Variants in ADARB2 observed in about 807,000 individuals in gnomAD.
ADARB2 encodes adenosine deaminase RNA specific B2 (inactive), also known as inactive double-stranded RNA-specific editase B2.
In ADARB2, 25 loss-of-function variants were observed where a neutral mutation model predicts 62.2. That is an observed-to-expected ratio of 0.40 (90% CI 0.29 to 0.56). The LOEUF (loss-of-function observed/expected upper bound fraction) is 0.56. ADARB2 is among the 20% of genes least tolerant of loss of function. The probability of loss-of-function intolerance (pLI) is 0.43; values close to 1 mark genes in which losing one functional copy is unlikely to be tolerated. For missense variants in ADARB2, 1,071 were observed against 1,077.4 expected (o/e 0.99, Z 0.08); for synonymous variants, 572 against 500.8 (o/e 1.14, Z -1.90).
chr10:1,618,521 T>G (rs1833669519), intron 1 of ADARB2, among the ~76,000 whole-genome samples: 1 of 150,306 alleles, frequency 6.7e-6, no homozygotes, highest in Non-Finnish European at 1.5e-5. Context: ...ATTTTTTTTG[T>G]TCAAGTACAG....
intron 1 of ADARB2, among the ~76,000 whole-genome samples, chr10:1,635,357 C>T (rs771310949): frequency 6.6e-6 from 1 of 152,216 alleles, no homozygotes; most frequent in African/African-American, 2.4e-5. Context: ...GCAGTCCTGG[C>T]AGGTGCACGT....
intron 3 of ADARB2, among the ~76,000 whole-genome samples, chr10:1,339,912 C>T (rs947971897): frequency 3.3e-5 from 5 of 152,272 alleles, no homozygotes; most frequent in Non-Finnish European, 7.4e-5. Flanking sequence ...AGCAGCACTC[C>T]TGCATTCTGG....
chr10:1,603,693 CTT>C (rs11407289), intron 1 of ADARB2, among the ~76,000 whole-genome samples: 10 of 143,528 alleles, frequency 7.0e-5, no homozygotes, highest in South Asian at 2.2e-4. Flanking sequence ...GAGCTGTGAT[CTT>C]TTTTTTTTTT....
At chr10:1,573,619 A>G (rs1309048682) in intron 1 of ADARB2, among the ~76,000 whole-genome samples, 1 of 152,002 alleles carries the variant, frequency 6.6e-6, no homozygotes, top group South Asian at 2.1e-4. Context: ...GCCCAGGCGC[A>G]CTCTGCACCT....
chr10:1,258,195 C>T (rs1831098547), intron 4 of ADARB2, among the ~76,000 whole-genome samples: 1 of 152,098 alleles, frequency 6.6e-6, no homozygotes, highest in African/African-American at 2.4e-5. Flanking sequence ...TTAACCATAG[C>T]ATGGTTAAGG....
At chr10:1,327,688 A>T (rs1267323089) in intron 3 of ADARB2, among the ~76,000 whole-genome samples, 1 of 72,158 alleles carries the variant, frequency 1.4e-5, no homozygotes, top group Non-Finnish European at 3.1e-5. Flanking sequence ...CTCACTGCAC[A>T]GCGCCTCGTC....
At chr10:1,552,669 C>G (rs4242728) in intron 1 of ADARB2, among the ~76,000 whole-genome samples, 135,524 of 146,372 alleles carry the variant, frequency 0.93, 63,248 homozygotes, top group East Asian at 1. Flanking sequence ...AGGTCGGCTT[C>G]AGGGAACAGT....
chr10:1,549,230 A>G lies in ADARB2; in HGVS notation c.101-170070T>C, dbSNP rs142318582. 7.9e-3 allele frequency among the ~76,000 whole-genome samples: 1,188 copies of G among 151,094 alleles called. 17 individuals are homozygous for G. Among genetic ancestry groups the G allele is most frequent in the African/African-American group, 0.028 (1,136 of 40,962 alleles). On this transcript the variant is annotated intron_variant, in intron 1 of 9. Coordinates refer to ENST00000381312, the MANE Select transcript of ADARB2 (RefSeq NM_018702.4). ...GGAGCTGGGGGGGTCCCCTCCTCTC[A>G]TTGAAAGGCGGAGTGGGGTGAGGCA...
intron 1 of ADARB2, among the ~76,000 whole-genome samples, chr10:1,599,234 CA>C: frequency 6.6e-6 from 1 of 152,230 alleles, no homozygotes; most frequent in South Asian, 2.1e-4. Context: ...GGGGTGGAAA[CA>C]AAGATGGAAA....
At chr10:1,261,929 T>C (rs1168751155) in intron 4 of ADARB2, among the ~76,000 whole-genome samples, 1 of 148,518 alleles carries the variant, frequency 6.7e-6, no homozygotes, top group Non-Finnish European at 1.5e-5. Context: ...TAAGAAAATG[T>C]GGCACATATA....
At position 1,450,867 on chromosome 10, in the gene ADARB2, C is replaced by T. The variant is rs182837062; in HGVS notation, c.101-71707G>A. 7.2e-5 allele frequency among the ~76,000 whole-genome samples: 11 copies of T among 152,334 alleles called. No homozygotes were observed. The East Asian group carries it at 2.1e-3, about 29-fold the overall frequency. On this transcript the variant is annotated intron_variant, in intron 1 of 9. Coordinates refer to ENST00000381312, the MANE Select transcript of ADARB2 (RefSeq NM_018702.4). The stretch of plus-strand genomic sequence containing the variant: ...ACCCTCCACGAGCTGAAGGCTGCTG[C>T]TGAGGGGTGGGAAAGTGGTGACTTT...
In ADARB2 at chr10:1,675,844, C is replaced by T. The variant is rs1003807984; in HGVS notation, c.100+61207G>A. On this transcript the variant is annotated intron_variant, in intron 1 of 9. Coordinates refer to ENST00000381312, the MANE Select transcript of ADARB2 (RefSeq NM_018702.4). ...CAGGGAGTGAAGGGAAGCCGTGTCT[C>T]TGATCCCTGCAGGAGGGCAGAGGCC... Among the ~76,000 whole-genome samples, 6 of 152,218 alleles carry T rather than the reference C, an allele frequency of 3.9e-5. 1 individual carries two copies. The highest frequency in any genetic ancestry group is 1.4e-4 in the African/African-American group (6 of 41,526).
At chr10:1,621,030 T>C (rs560110078) in intron 1 of ADARB2, among the ~76,000 whole-genome samples, 2 of 152,320 alleles carry the variant, frequency 1.3e-5, no homozygotes, top group African/African-American at 4.8e-5. Flanking sequence ...CTGAGTGCTT[T>C]CCTGTAGATC....
At chr10:1,205,454 G>A (rs934650494) in intron 7 of ADARB2, among the ~76,000 whole-genome samples, 1 of 149,788 alleles carries the variant, frequency 6.7e-6, no homozygotes, top group South Asian at 2.1e-4. Flanking sequence ...GACAACTCAC[G>A]GGAGCCCGTG....
chr10:1,215,831 C>T (rs776144336), intron 7 of ADARB2: 3 of 152,264 alleles, frequency 2.0e-5, no homozygotes, highest in Non-Finnish European at 4.4e-5. Flanking sequence ...ACAGAAATGT[C>T]CTGCATTGGG....
At chr10:1,414,045 C>T (rs968189555) in intron 1 of ADARB2, among the ~76,000 whole-genome samples, 3 of 152,224 alleles carry the variant, frequency 2.0e-5, no homozygotes, top group Non-Finnish European at 4.4e-5. Flanking sequence ...TCAGGTCCCA[C>T]TCCCTGGAAG....
rs1250623243 is a variant in ADARB2, at chr10:1,216,903, C to A, written c.1682+48G>T. 3 of 1,585,240 alleles carry A rather than the reference C, an allele frequency of 1.9e-6. No homozygotes were observed. In the Admixed American group the frequency reaches 5.1e-5, roughly 27 times the overall value. On this transcript the variant is annotated intron_variant, in intron 7 of 9. Transcript: ENST00000381312. ...TGCAGGGAGCCTGGGGCTTGGCACT[C>A]CCCACCGGCCGCAGCCAACATCCTC...
intron 1 of ADARB2, among the ~76,000 whole-genome samples, chr10:1,667,539 G>A (rs2119096394): frequency 6.6e-6 from 1 of 152,264 alleles, no homozygotes; most frequent in South Asian, 2.1e-4. Context: ...TGTGGACTAG[G>A]CAATTTTTCC....
At chr10:1,274,033 C>G (rs1233545286) in intron 3 of ADARB2, among the ~76,000 whole-genome samples, 2 of 152,232 alleles carry the variant, frequency 1.3e-5, no homozygotes. Context: ...GGGCTTCCCA[C>G]TGGGAAGAGG....
Sources: allele counts gnomAD v4.1 joint callset (sites outside exome capture counted in the v4.1 genomes callset), GRCh38; gene constraint gnomAD v4.1.1; transcripts MANE v1.5; gene names NCBI Gene and HGNC (gene_info 2026-07-23, HGNC 2026-07-21).